RBM18: variants seen among roughly 807,000 people sequenced by gnomAD.
RBM18 encodes probable RNA-binding protein 18.
In RBM18, 18 loss-of-function variants were observed where a neutral mutation model predicts 26.4. That is an observed-to-expected ratio of 0.68 (90% CI 0.47 to 1.01). The LOEUF is 1.01. Among genes scored for constraint, RBM18 ranks in the 50% least tolerant of loss-of-function variants. The pLI, the probability that RBM18 is intolerant of heterozygous loss-of-function variation, is 0.00. For missense variants in RBM18, 180 were observed against 219.2 expected, an observed-to-expected ratio of 0.82 and a Z score of 1.13; for synonymous variants, 74 against 81.1, an observed-to-expected ratio of 0.91 and a Z score of 0.47.
At chr9:122,255,629 T>G (rs1379171553) in intron 2 of RBM18, among the ~76,000 whole-genome samples, 2 of 152,148 alleles carry the variant, frequency 1.3e-5, no homozygotes, top group African/African-American at 4.8e-5. Context: ...CCACTCCATT[T>G]CAATCACTTT....
Position 122,251,828 on chromosome 9 carries a change from G to C in RBM18, c.240+19C>G, listed in dbSNP as rs1261301924. On this transcript the variant is annotated intron_variant, in intron 3 of 5. Coordinates refer to ENST00000417201, the MANE Select transcript of RBM18 (RefSeq NM_033117.4). ...CAGAGCTTGATAAATATTATAAAAT[G>C]GGGAGAAAGCTTAATTACCTGCTTA... The C allele has an allele frequency of 5.0e-6, 8 of 1,608,144 alleles. No homozygotes were observed. In the Admixed American group the frequency reaches 6.7e-5, roughly 13 times the overall value.
intron 3 of RBM18, among the ~76,000 whole-genome samples, chr9:122,248,566 C>T (rs949292735): frequency 2.0e-5 from 3 of 152,186 alleles, no homozygotes; most frequent in African/African-American, 7.2e-5. Context: ...AATCTATGCA[C>T]CTGGTTTTCA....
chr9:122,263,123 G>A (rs1831847934), intron 1 of RBM18, among the ~76,000 whole-genome samples: 1 of 152,172 alleles, frequency 6.6e-6, no homozygotes, highest in Admixed American at 6.5e-5. Flanking sequence ...CAGGAACCAT[G>A]GAGGCAGTCA....
chr9:122,258,908 CAA>C (rs11453707), intron 2 of RBM18, among the ~76,000 whole-genome samples: 18 of 109,362 alleles, frequency 1.6e-4, no homozygotes, highest in South Asian at 6.1e-4. Context: ...ACAGAGCTGT[CAA>C]AAAAAAAAAA....
intron 1 of RBM18, among the ~76,000 whole-genome samples, chr9:122,262,979 A>T (rs1831837775): frequency 6.6e-6 from 1 of 152,202 alleles, no homozygotes; most frequent in South Asian, 2.1e-4. Flanking sequence ...TAAGGCTTCG[A>T]GGACCAAAAA....
At chr9:122,252,812 C>T (rs1334273410) in intron 2 of RBM18, among the ~76,000 whole-genome samples, 1 of 152,214 alleles carries the variant, frequency 6.6e-6, no homozygotes, top group African/African-American at 2.4e-5. Context: ...TATTGCTTAC[C>T]ACTACTCTGC....
intron 2 of RBM18, among the ~76,000 whole-genome samples, chr9:122,257,997 G>C (rs1335813012): frequency 6.6e-6 from 1 of 152,162 alleles, no homozygotes; most frequent in East Asian, 1.9e-4. Flanking sequence ...CCACAAGACA[G>C]GTACCATATA....
intron 2 of RBM18, 88 bp from the exon 3 acceptor site, chr9:122,252,061 T>C: frequency 1.3e-6 from 2 of 1,551,048 alleles, no homozygotes; most frequent in Non-Finnish European, 8.8e-7. Context: ...GGAGATAATT[T>C]ACCCCAGGGA....
intron 2 of RBM18, among the ~76,000 whole-genome samples, chr9:122,253,946 T>C (rs1037361371): frequency 2.1e-4 from 31 of 150,478 alleles, no homozygotes; most frequent in African/African-American, 6.9e-4. Context: ...GAGAATCACT[T>C]GAATCCGGGA....
At chr9:122,263,161 C>T (rs1831850257) in intron 1 of RBM18, among the ~76,000 whole-genome samples, 1 of 152,192 alleles carries the variant, frequency 6.6e-6, no homozygotes, top group African/African-American at 2.4e-5. Context: ...TCTTAATCAT[C>T]TCAGCACACC....
At position 122,261,929 on chromosome 9, in the gene RBM18, G is replaced by GGAAGAGGCAATATAGCAAAGA. The variant is rs1183487438; in HGVS notation, c.-16-442_-16-422dup. Reference sequence around the variant, plus strand: ...GCAGCACTCCATCCCTTTTCCTCATGGAAGAGGCAATATAGCAAAGAGAAG... The same window carrying GGAAGAGGCAATATAGCAAAGA: ...GCAGCACTCCATCCCTTTTCCTCATGGAAGAGGCAATATAGCAAAGAGAAGAGGCAATATAGCAAAGAGAAG... On this transcript the variant is annotated intron_variant, in intron 1 of 5. Coordinates refer to ENST00000417201, the MANE Select transcript of RBM18 (RefSeq NM_033117.4). Among the ~76,000 whole-genome samples, 116 of 152,186 alleles carry GGAAGAGGCAATATAGCAAAGA rather than the reference G, an allele frequency of 7.6e-4. 1 individual carries two copies. Among genetic ancestry groups the GGAAGAGGCAATATAGCAAAGA allele is most frequent in the African/African-American group, 2.4e-3 (101 of 41,506 alleles).
intron 1 of RBM18, among the ~76,000 whole-genome samples, chr9:122,264,419 T>C (rs1262194387): frequency 2.0e-5 from 3 of 152,240 alleles, no homozygotes; most frequent in Non-Finnish European, 4.4e-5. Flanking sequence ...TCTTTCCAGC[T>C]GAGCTGCAAT....
Position 122,251,451 on chromosome 9 carries a change from CTT to C in RBM18, c.240+394_240+395del, listed in dbSNP as rs550147611. ...CCTTGAGAAGAAATAACAAAAGAGT[CTT>C]TGTGGGTGTCTCATCACAGATAGGT... On this transcript the variant is annotated intron_variant, in intron 3 of 5. Coordinates refer to ENST00000417201, the MANE Select transcript of RBM18 (RefSeq NM_033117.4). Among the ~76,000 whole-genome samples, 15 of 152,276 alleles carry C rather than the reference CTT, an allele frequency of 9.9e-5. No individual in the cohort carries two copies. In the South Asian group the frequency reaches 3.1e-3, roughly 32 times the overall value.
chr9:122,261,352 G>A (rs1831790776), intron 2 of RBM18, 28 bp downstream of exon 2: 1 of 1,492,106 alleles, frequency 6.7e-7, no homozygotes, highest in African/African-American at 1.4e-5. Flanking sequence ...AATATTGTAG[G>A]TAAAAAACTA....
At chr9:122,262,387 G>A (rs1047247697) in intron 1 of RBM18, among the ~76,000 whole-genome samples, 16 of 152,008 alleles carry the variant, frequency 1.1e-4, no homozygotes, top group African/African-American at 2.9e-4. Context: ...TACACCTAGA[G>A]CATTTAGAAC....
chr9:122,251,999 T>A (rs1408403867), intron 2 of RBM18, 26 bp from the exon 3 acceptor site: 1 of 1,611,176 alleles, frequency 6.2e-7, no homozygotes, highest in East Asian at 2.2e-5. Flanking sequence ...AGTCCATGAG[T>A]ATGCTCTGGG....
At chr9:122,256,666 C>A (rs1241445603) in intron 2 of RBM18, among the ~76,000 whole-genome samples, 1 of 152,122 alleles carries the variant, frequency 6.6e-6, no homozygotes, top group African/African-American at 2.4e-5. Flanking sequence ...TGTGACTGTT[C>A]AAAAATTAGA....
chr9:122,263,212 T>C (rs1386989453), intron 1 of RBM18, among the ~76,000 whole-genome samples: 4 of 152,236 alleles, frequency 2.6e-5, no homozygotes, highest in Non-Finnish European at 5.9e-5. Context: ...AATTGTTTAT[T>C]GAATACCCTG....
At chr9:122,247,821 T>C (rs1369935427) in intron 3 of RBM18, among the ~76,000 whole-genome samples, 1 of 148,642 alleles carries the variant, frequency 6.7e-6, no homozygotes, top group African/African-American at 2.5e-5. Flanking sequence ...TCTTGCTCTG[T>C]CGCCAGGCTC....
Sources: allele counts gnomAD v4.1 joint callset (sites outside exome capture counted in the v4.1 genomes callset), GRCh38; gene constraint gnomAD v4.1.1; transcripts MANE v1.5; gene names NCBI Gene and HGNC (gene_info 2026-07-23, HGNC 2026-07-21).